Variants in ATP9B observed in about 807,000 individuals in gnomAD.
ATP9B encodes the protein probable phospholipid-transporting ATPase IIB.
A neutral mutation model predicts 146.1 loss-of-function variants in ATP9B; 110 were observed. The ratio of observed to expected loss-of-function variants is 0.75; its 90% CI spans 0.65 to 0.88. The LOEUF (loss-of-function observed/expected upper bound fraction) is 0.88, where lower values mean the gene tolerates loss of function less well. Ranked by LOEUF, ATP9B falls within the 40% of genes least tolerant of loss-of-function variation. The pLI is 0.00. For synonymous variants in ATP9B, 604 were observed against 569.7 expected (o/e 1.06, Z -0.86); for missense variants, 1,499 against 1,496.4 (o/e 1.00, Z -0.03).
rs367806018 is a variant in ATP9B at position 79,273,405 on chromosome 18, G to T, written c.1269-3649G>T. On this transcript the variant is annotated intron_variant, in intron 12 of 29. Coordinates refer to ENST00000426216, the MANE Select transcript of ATP9B (RefSeq NM_198531.5). ...GGAAAGATTTCACAGAGTGACAAATGCTGGGAAAAATTCAGATCACATGGC... is the reference window on the plus strand; with the variant it reads ...GGAAAGATTTCACAGAGTGACAAATTCTGGGAAAAATTCAGATCACATGGC... 2.4e-3 allele frequency among the ~76,000 whole-genome samples: 368 copies of T among 152,348 alleles called. 1 individual carries two copies. Among genetic ancestry groups the T allele is most frequent in the South Asian group, 6.4e-3 (31 of 4,832 alleles).
At chr18:79,133,916 T>A (rs985828590) in intron 5 of ATP9B, among the ~76,000 whole-genome samples, 1 of 152,246 alleles carries the variant, frequency 6.6e-6, no homozygotes, top group Admixed American at 6.5e-5. Flanking sequence ...TGACTCCAGC[T>A]GTCTCTTCTG....
At chr18:79,325,968 C>T (rs879216630) in intron 15 of ATP9B, among the ~76,000 whole-genome samples, 11 of 134,774 alleles carry the variant, frequency 8.2e-5, no homozygotes, top group South Asian at 2.6e-4. Context: ...TCTGTACCCT[C>T]CCTCCCCTCA....
intron 12 of ATP9B, among the ~76,000 whole-genome samples, chr18:79,275,883 GAT>G (rs2096302926): frequency 6.6e-6 from 1 of 152,236 alleles, no homozygotes; most frequent in African/African-American, 2.4e-5. Flanking sequence ...GAATTTTTAA[GAT>G]ATGAACTCTA....
intron 7 of ATP9B, among the ~76,000 whole-genome samples, chr18:79,165,006 G>C (rs182551043): frequency 9.0e-4 from 137 of 152,196 alleles, no homozygotes; most frequent in Non-Finnish European, 1.9e-3. Flanking sequence ...GTGAAGATCT[G>C]TTCTTACATA....
intron 15 of ATP9B, among the ~76,000 whole-genome samples, chr18:79,307,900 G>A (rs1277712736): frequency 3.9e-5 from 6 of 152,068 alleles, no homozygotes; most frequent in African/African-American, 1.4e-4. Flanking sequence ...AAGTAATCAA[G>A]CCAACCACAG....
intron 17 of ATP9B, among the ~76,000 whole-genome samples, chr18:79,330,793 C>G (rs2147134534): frequency 6.6e-6 from 1 of 152,252 alleles, no homozygotes; most frequent in East Asian, 1.9e-4. Context: ...TAGGTCCTTA[C>G]AAAGAATATT....
At chr18:79,366,232 C>G (rs1029205575) in intron 26 of ATP9B, among the ~76,000 whole-genome samples, 3 of 152,234 alleles carry the variant, frequency 2.0e-5, no homozygotes, top group African/African-American at 7.2e-5. Flanking sequence ...GGAAGCTGCT[C>G]TGTCTGGCGC....
intron 10 of ATP9B, chr18:79,209,721 A>C (rs764179996): frequency 3.8e-5 from 37 of 971,906 alleles, no homozygotes; most frequent in Middle Eastern, 1.0e-3. Context: ...AGCTTAATTA[A>C]GGTACCTTTA....
chr18:79,157,124 G>A (rs967292458), intron 7 of ATP9B, among the ~76,000 whole-genome samples: 4 of 151,946 alleles, frequency 2.6e-5, no homozygotes, highest in African/African-American at 9.7e-5. Context: ...ACTTTGGGAG[G>A]CTGAGGTGGG....
intron 11 of ATP9B, among the ~76,000 whole-genome samples, chr18:79,240,704 C>A (rs1263857567): frequency 6.6e-6 from 1 of 152,218 alleles, no homozygotes; most frequent in African/African-American, 2.4e-5. Flanking sequence ...CGAGATCGTG[C>A]CATTTTACTG....
intron 23 of ATP9B, among the ~76,000 whole-genome samples, chr18:79,346,280 A>T (rs994065305): frequency 1.4e-5 from 2 of 146,540 alleles, no homozygotes; most frequent in Non-Finnish European, 3.0e-5. Context: ...CTTAGTGCAC[A>T]TCAGCACATG....
At chr18:79,328,531 G>C (rs1229594692) in intron 15 of ATP9B, among the ~76,000 whole-genome samples, 4 of 152,298 alleles carry the variant, frequency 2.6e-5, no homozygotes, top group East Asian at 3.9e-4. Context: ...CAGAAGAGGA[G>C]CGTGGCCCCA....
rs554919030 is a variant in ATP9B, at chr18:79,344,122, C to T, written c.2383-143C>T. 88 of 737,294 alleles carry T rather than the reference C, an allele frequency of 1.2e-4. 2 individuals carry two copies. The African/African-American group carries it at 1.2e-3, about 10-fold the overall frequency. The allele number at this position is 737,294 out of a possible 1,614,324, so 45.7% of individuals were successfully genotyped here. A position where few individuals can be genotyped will look rare whatever the true frequency, so the allele number is the denominator to read the frequency against. Reference sequence around the variant, plus strand: ...GGAGGAATTGGAAAGGACCTTCTTCCGGGTCCAAATACTAAAGCTCCTTTG... The same window carrying T: ...GGAGGAATTGGAAAGGACCTTCTTCTGGGTCCAAATACTAAAGCTCCTTTG... On this transcript the variant is annotated intron_variant, in intron 20 of 29. Coordinates refer to ENST00000426216, the MANE Select transcript of ATP9B (RefSeq NM_198531.5).
intron 2 of ATP9B, among the ~76,000 whole-genome samples, chr18:79,103,273 T>TG (rs1490606436): frequency 6.8e-6 from 1 of 146,308 alleles, no homozygotes; most frequent in African/African-American, 2.7e-5. Context: ...TGTAGTTTTT[T>TG]TTTTTTTTTT....
Position 79,083,830 on chromosome 18 carries a change from T to G in ATP9B, c.120-12646T>G, listed in dbSNP as rs190180833. Among the ~76,000 whole-genome samples the G allele has an allele frequency of 2.2e-4, 34 of 151,904 alleles. No individual in the cohort carries two copies. The East Asian group carries it at 6.0e-3, about 27-fold the overall frequency. On this transcript the variant is annotated intron_variant, in intron 1 of 29. Coordinates refer to ENST00000426216, the MANE Select transcript of ATP9B (RefSeq NM_198531.5). Reference sequence around the variant, plus strand: ...CTTTTGCCTTGATCTCATTGGGAGCTGCAGACCAGAGCTGTTCCTATTGAC... The same window carrying G: ...CTTTTGCCTTGATCTCATTGGGAGCGGCAGACCAGAGCTGTTCCTATTGAC...
chr18:79,261,970 A>G (rs567648411), intron 12 of ATP9B, among the ~76,000 whole-genome samples: 60 of 152,208 alleles, frequency 3.9e-4, no homozygotes, highest in African/African-American at 1.4e-3. Flanking sequence ...CCATCCGAGT[A>G]TGTGCTTTTG....
intron 1 of ATP9B, among the ~76,000 whole-genome samples, chr18:79,074,260 T>C (rs1024521632): frequency 2.0e-5 from 3 of 152,098 alleles, no homozygotes; most frequent in African/African-American, 7.2e-5. Flanking sequence ...GTCAGACCCA[T>C]GGGGATGAAG....
At chr18:79,284,996 A>G (rs2096420888) in intron 13 of ATP9B, among the ~76,000 whole-genome samples, 1 of 152,078 alleles carries the variant, frequency 6.6e-6, no homozygotes, top group African/African-American at 2.4e-5. Flanking sequence ...TATATGTGCC[A>G]CATTTTCTTA....
At chr18:79,235,387 A>G (rs2148616280) in intron 11 of ATP9B, among the ~76,000 whole-genome samples, 1 of 152,368 alleles carries the variant, frequency 6.6e-6, no homozygotes, top group Admixed American at 6.5e-5. Flanking sequence ...GCTTTTGGTC[A>G]GTATTTGAAT....
Sources: allele counts gnomAD v4.1 joint callset (sites outside exome capture counted in the v4.1 genomes callset), GRCh38; gene constraint gnomAD v4.1.1; transcripts MANE v1.5; gene names NCBI Gene and HGNC (gene_info 2026-07-23, HGNC 2026-07-21).